Variants in CEP112 observed in about 807,000 individuals in gnomAD.
The protein encoded by CEP112 is centrosomal protein 112.
A neutral mutation model predicts 153.0 loss-of-function variants in CEP112; 127 were observed. That is an observed-to-expected ratio of 0.83 (90% CI 0.72 to 0.96). The LOEUF is 0.96. Ranked by LOEUF, CEP112 falls within the 40% of genes least tolerant of loss-of-function variation. CEP112 has a pLI of 0.00. For synonymous variants in CEP112, 358 were observed against 374.4 expected (o/e 0.96, Z 0.51); for missense variants, 1,089 against 1,101.2 (o/e 0.99, Z 0.16).
At chr17:66,149,917 A>C (rs1215625229) in intron 4 of CEP112, among the ~76,000 whole-genome samples, 1 of 80,672 alleles carries the variant, frequency 1.2e-5, no homozygotes, top group Non-Finnish European at 2.1e-5. Flanking sequence ...TTTGAGATGG[A>C]GTCTCACTCT....
At position 65,927,681 on chromosome 17, in the gene CEP112, T is replaced by C. The variant is rs2060976962; in HGVS notation, c.1881A>G (p.Lys627=). ...VYAEMKEQME[K]VEADLTRSKS... The stretch of plus-strand genomic sequence containing the variant: ...TGGATCTAGTTAGATCTGCCTCCAC[T>C]TTTTCCATCTATAAAATTTAAAAAT... Residue 627 remains lysine (K), a synonymous_variant, in exon 19 of 27, where the codon AAA becomes AAG. Transcript: ENST00000535342. 7.1e-6 allele frequency: 11 copies of C among 1,541,162 alleles called. No homozygotes were observed. Among genetic ancestry groups the C allele is most frequent in the Non-Finnish European group, 9.6e-6 (11 of 1,149,386 alleles).
chr17:65,693,460 A>G (rs946063892), intron 23 of CEP112, among the ~76,000 whole-genome samples: 2 of 151,866 alleles, frequency 1.3e-5, no homozygotes, highest in Non-Finnish European at 2.9e-5. Flanking sequence ...GGGATTAAAA[A>G]AAAAAAAGAG....
chr17:66,135,651 T>C (rs1168289288), intron 4 of CEP112, among the ~76,000 whole-genome samples: 1 of 152,166 alleles, frequency 6.6e-6, no homozygotes, highest in African/African-American at 2.4e-5. Context: ...TAACATTCCC[T>C]GACATGCCCT....
chr17:65,667,132 G>A (rs1403053962), intron 24 of CEP112, among the ~76,000 whole-genome samples: 2 of 152,168 alleles, frequency 1.3e-5, no homozygotes, highest in African/African-American at 4.8e-5. Flanking sequence ...GTCTTTTGGT[G>A]TAATGCATAC....
chr17:65,714,900 A>T (rs962253176), intron 23 of CEP112, among the ~76,000 whole-genome samples: 9 of 152,228 alleles, frequency 5.9e-5, no homozygotes, highest in Non-Finnish European at 1.3e-4. Context: ...AGTGGGGAGC[A>T]GTTGAAAGCT....
chr17:65,770,117 C>T (rs2053250670), intron 21 of CEP112, among the ~76,000 whole-genome samples: 1 of 150,416 alleles, frequency 6.6e-6, no homozygotes, highest in Non-Finnish European at 1.5e-5. Context: ...AAAAAAAAAC[C>T]TCTAAGACCA....
intron 17 of CEP112, among the ~76,000 whole-genome samples, chr17:65,971,731 A>G (rs1272815252): frequency 6.6e-6 from 1 of 152,222 alleles, no homozygotes; most frequent in Admixed American, 6.5e-5. Flanking sequence ...AATATATTGC[A>G]GGTATATTGC....
chr17:65,644,194 TG>T (rs1475681326), intron 24 of CEP112: 3 of 737,888 alleles, frequency 4.1e-6, no homozygotes, highest in East Asian at 2.5e-5. Context: ...ATGGTTGCGT[TG>T]GGGACCAGAA....
At chr17:65,807,260 G>A (rs1657221320) in intron 21 of CEP112, among the ~76,000 whole-genome samples, 1 of 152,194 alleles carries the variant, frequency 6.6e-6, no homozygotes, top group African/African-American at 2.4e-5. Flanking sequence ...AAGCATTCAG[G>A]ATGTGATTGG....
At chr17:65,919,267 C>T (rs2060614699) in intron 19 of CEP112, among the ~76,000 whole-genome samples, 1 of 152,122 alleles carries the variant, frequency 6.6e-6, no homozygotes, top group African/African-American at 2.4e-5. Context: ...TGCTTTCCCA[C>T]AATCGAACTG....
chr17:65,971,104 T>A (rs569424421), intron 17 of CEP112, among the ~76,000 whole-genome samples: 1 of 152,220 alleles, frequency 6.6e-6, no homozygotes, highest in South Asian at 2.1e-4. Context: ...ACATGGTACA[T>A]TGCATGTTCC....
intron 21 of CEP112, among the ~76,000 whole-genome samples, chr17:65,807,152 G>C (rs540951608): frequency 6.6e-6 from 1 of 152,302 alleles, no homozygotes; most frequent in East Asian, 1.9e-4. Context: ...CTTTAGCAAA[G>C]AGACAGGCTG....
chr17:66,095,941 A>C (rs7218556), intron 8 of CEP112, among the ~76,000 whole-genome samples: 2 of 152,128 alleles, frequency 1.3e-5, no homozygotes, highest in African/African-American at 4.8e-5. Context: ...TTAGCTGGAC[A>C]TGGTGGCACA....
At chr17:66,128,211 G>A (rs925044882) in intron 6 of CEP112, among the ~76,000 whole-genome samples, 1 of 148,830 alleles carries the variant, frequency 6.7e-6, no homozygotes, top group Non-Finnish European at 1.5e-5. Flanking sequence ...GCTGAGGCAG[G>A]AGGATTGCTT....
rs911652514 is a variant in CEP112 at position 65,640,987 on chromosome 17, T to A, written c.2776A>T (p.Thr926Ser). The change falls in exon 25 of 27, where the codon ACC (threonine) becomes TCC (serine). Residue 926 changes from threonine (T) to serine (S), a missense_variant. Transcript: ENST00000535342. ...ACCTGTGATTTTAGGGAGGAAATGG[T>A]GTCTTCAAGTTCTTGTCTTAGGGAT... ...PASLRQELED[T>S]ISSLKSQVNF... 2 of 1,604,770 alleles carry A rather than the reference T, an allele frequency of 1.2e-6. No individual in the cohort carries two copies. Among genetic ancestry groups the A allele is most frequent in the Non-Finnish European group, 1.7e-6 (2 of 1,171,730 alleles).
At chr17:66,131,424 T>C (rs2070156603) in intron 5 of CEP112, among the ~76,000 whole-genome samples, 1 of 152,226 alleles carries the variant, frequency 6.6e-6, no homozygotes, top group African/African-American at 2.4e-5. Context: ...CAATGAGTTA[T>C]GTATATAGTG....
chr17:65,989,434 T>C (rs544299673), intron 17 of CEP112, among the ~76,000 whole-genome samples: 1 of 148,708 alleles, frequency 6.7e-6, no homozygotes, highest in Non-Finnish European at 1.5e-5. Context: ...GGGAAAACCA[T>C]ACAGCCCAGG....
At chr17:65,830,245 A>G (rs2146107447) in intron 21 of CEP112, among the ~76,000 whole-genome samples, 1 of 152,338 alleles carries the variant, frequency 6.6e-6, no homozygotes, top group Non-Finnish European at 1.5e-5. Flanking sequence ...AGTTCACCAG[A>G]ACTTGGAGGA....
intron 4 of CEP112, among the ~76,000 whole-genome samples, chr17:66,169,661 C>T (rs557238258): frequency 6.6e-6 from 1 of 151,964 alleles, no homozygotes; most frequent in Non-Finnish European, 1.5e-5. Context: ...GATTACCACT[C>T]CAAAGTGGGA....
Sources: allele counts gnomAD v4.1 joint callset (sites outside exome capture counted in the v4.1 genomes callset), GRCh38; gene constraint gnomAD v4.1.1; transcripts MANE v1.5; gene names NCBI Gene and HGNC (gene_info 2026-07-23, HGNC 2026-07-21).